Variants in CSMD3 observed in about 807,000 individuals in gnomAD.
CSMD3 encodes the protein CUB and sushi domain-containing protein 3.
CSMD3 carries 177 observed loss-of-function variants against 435.2 expected under a neutral mutation model. The ratio of observed to expected loss-of-function variants is 0.41; its 90% CI spans 0.36 to 0.46. CSMD3 has a LOEUF of 0.46. Among genes scored for constraint, CSMD3 ranks in the 20% least tolerant of loss-of-function variants. CSMD3 has a pLI of 0.34. For synonymous variants in CSMD3, 1,656 were observed against 1,520.5 expected (o/e 1.09, Z -2.07); for missense variants, 4,265 against 4,504.6 (o/e 0.95, Z 1.52).
At chr8:113,157,428 T>A (rs2091955783) in intron 4 of CSMD3, among the ~76,000 whole-genome samples, 1 of 133,266 alleles carries the variant, frequency 7.5e-6, no homozygotes, top group Admixed American at 7.2e-5. Flanking sequence ...CAAAATCTCA[T>A]AACAGTCTCC....
chr8:113,153,325 G>A (rs1476881301), intron 4 of CSMD3, among the ~76,000 whole-genome samples: 1 of 151,844 alleles, frequency 6.6e-6, no homozygotes. Context: ...CACTTTCTTT[G>A]GTTGGAATCT....
intron 3 of CSMD3, among the ~76,000 whole-genome samples, chr8:113,222,510 A>T (rs2092979978): frequency 6.6e-6 from 1 of 151,028 alleles, no homozygotes. Context: ...TAAAAACGTA[A>T]CACATTTTCA....
rs1457560322 is a variant in CSMD3, at chr8:112,954,709, T to G, written c.1395A>C (p.Lys465Asn). 2 of 1,604,086 alleles carry G rather than the reference T, an allele frequency of 1.2e-6. No homozygotes were observed. The highest frequency in any genetic ancestry group is 1.7e-6 in the Non-Finnish European group (2 of 1,172,044). Reference sequence around the variant, plus strand: ...AGATAGAAAACTTGTTGCTGTTGTCTTTCCCTGGAAACAATTTAAATCCTC... The same window carrying G: ...AGATAGAAAACTTGTTGCTGTTGTCGTTCCCTGGAAACAATTTAAATCCTC... ...KSRGFKLFPG[K>N]DNSNKFSILN... Residue 465 changes from lysine to asparagine, a missense_variant, in exon 8 of 71, where the codon AAA becomes AAC. Coordinates refer to ENST00000297405, the MANE Select transcript of CSMD3 (RefSeq NM_198123.2).
intron 58 of CSMD3, among the ~76,000 whole-genome samples, chr8:112,285,563 A>G (rs1444148595): frequency 3.9e-5 from 6 of 152,140 alleles, no homozygotes; most frequent in African/African-American, 1.4e-4. Flanking sequence ...TACAAAACCA[A>G]TATGTTTGGT....
intron 39 of CSMD3, among the ~76,000 whole-genome samples, chr8:112,352,143 TTAATC>T (rs1172547345): frequency 3.3e-5 from 5 of 152,234 alleles, no homozygotes; most frequent in South Asian, 2.1e-4. Context: ...TTAAAAGACT[TTAATC>T]TAATTAATTA....
chr8:113,019,277 T>G, intron 5 of CSMD3, 98 bp from the exon 6 acceptor site: 1 of 786,296 alleles, frequency 1.3e-6, no homozygotes, highest in South Asian at 1.4e-5. Flanking sequence ...ACTATATTCA[T>G]GACTTTGCAC....
At chr8:112,307,446 T>G (rs1262102450) in intron 50 of CSMD3, among the ~76,000 whole-genome samples, 1 of 152,072 alleles carries the variant, frequency 6.6e-6, no homozygotes, top group African/African-American at 2.4e-5. Flanking sequence ...CAGGTCCGGC[T>G]AATATTTGTA....
chr8:113,392,517 T>C (rs184327314), intron 1 of CSMD3, among the ~76,000 whole-genome samples: 171 of 152,222 alleles, frequency 1.1e-3, no homozygotes, highest in African/African-American at 3.9e-3. Context: ...CTTCACTTTA[T>C]AGATGGGGAA....
At chr8:112,694,949 G>A (rs566308073) in intron 13 of CSMD3, among the ~76,000 whole-genome samples, 7 of 151,990 alleles carry the variant, frequency 4.6e-5, no homozygotes, top group Non-Finnish European at 4.4e-5. Flanking sequence ...GAGGCTTGTC[G>A]GACAGTGTGT....
chr8:113,067,196 A>G (rs934086971), intron 5 of CSMD3, among the ~76,000 whole-genome samples: 1 of 152,160 alleles, frequency 6.6e-6, no homozygotes, highest in African/African-American at 2.4e-5. Context: ...ACTAAGATCC[A>G]GACTTCCTCT....
intron 1 of CSMD3, among the ~76,000 whole-genome samples, chr8:113,376,466 C>G (rs950409905): frequency 6.6e-6 from 1 of 151,932 alleles, no homozygotes; most frequent in Non-Finnish European, 1.5e-5. Context: ...CATTCAAAAA[C>G]TGGGAGGTGA....
chr8:113,102,700 G>A (rs2090364900), intron 4 of CSMD3, among the ~76,000 whole-genome samples: 1 of 152,090 alleles, frequency 6.6e-6, no homozygotes, highest in African/African-American at 2.4e-5. Flanking sequence ...GGGTGTTCCT[G>A]CAGCTTCACT....
rs1437532906 is a variant in CSMD3, at chr8:112,287,244, C to T, written c.9151G>A (p.Asp3051Asn). The change falls in exon 58 of 71, where the codon GAT becomes AAT. Residue 3051 changes from aspartate (D) to asparagine (N), a missense_variant and splice_region_variant. Asp to Asn is a conservative substitution (Grantham distance 23, BLOSUM62 1). This residue lies in a region of CSMD3 where 3,255 missense variants were observed against 3,380.2 expected (regional missense o/e 0.96). Coordinates refer to ENST00000297405, the MANE Select transcript of CSMD3 (RefSeq NM_198123.2). ...WSGSQPHCSG[D>N]ATGTCGDPGT... ...GGATCGCCACATGTCCCAGTAGCAT[C>T]ACCTGCAATGCAGTACAGTTCAAGT... The T allele has an allele frequency of 1.2e-6, 2 of 1,613,516 alleles. No individual in the cohort carries two copies. The highest frequency in any genetic ancestry group is 4.5e-5 in the East Asian group (2 of 44,868).
intron 38 of CSMD3, among the ~76,000 whole-genome samples, chr8:112,370,083 A>AGAAGAAGAAGAAGAAGAAGAG (rs1828235008): frequency 9.1e-6 from 1 of 109,428 alleles, no homozygotes; most frequent in Non-Finnish European, 2.0e-5. Context: ...AAGAAGAAGA[A>AGAAGAAGAAGAAGAAGAAGAG]GTAGTAGTAG....
Position 112,314,457 on chromosome 8 carries a change from C to T in CSMD3, c.7521G>A (p.Lys2507=), listed in dbSNP as rs779632910. 6.2e-7 allele frequency: 1 copy of T among 1,611,542 alleles called. No individual in the cohort carries two copies. Among genetic ancestry groups the T allele is most frequent in the Non-Finnish European group, 8.5e-7 (1 of 1,177,876 alleles). ...TMFVEFFQTE[K]EFDVLQVYDG... is the part of the protein sequence containing the mutation. ...CATACACCTGAAGAACATCAAATTC[C>T]TTTTCTGTCTGGAAGAATTCTACAA... Residue 2507 remains lysine (K), a synonymous_variant, in exon 48 of 71, where the codon AAG becomes AAA. Transcript: ENST00000297405.
intron 30 of CSMD3, among the ~76,000 whole-genome samples, chr8:112,497,638 T>C (rs1472950814): frequency 6.6e-6 from 1 of 151,878 alleles, no homozygotes; most frequent in African/African-American, 2.4e-5. Flanking sequence ...CAAAGAAAAA[T>C]ATTTTTACTA....
At chr8:112,907,166 G>A (rs1029594756) in intron 10 of CSMD3, among the ~76,000 whole-genome samples, 1 of 151,476 alleles carries the variant, frequency 6.6e-6, no homozygotes, top group Non-Finnish European at 1.5e-5. Context: ...GTACTGCTGA[G>A]TTAGGGTTTA....
chr8:113,359,806 T>C (rs557816079), intron 1 of CSMD3, among the ~76,000 whole-genome samples: 1 of 152,360 alleles, frequency 6.6e-6, no homozygotes, highest in Admixed American at 6.5e-5. Context: ...TTGCTAGATG[T>C]AATCTGAATT....
At chr8:112,494,511 C>CT (rs1164996650) in intron 30 of CSMD3, among the ~76,000 whole-genome samples, 1 of 73,064 alleles carries the variant, frequency 1.4e-5, no homozygotes, top group African/African-American at 4.5e-5. Flanking sequence ...TTCTTTCTTT[C>CT]TTTCTTTCTT....
Sources: gnomAD v4.1 joint callset for allele counts (sites outside exome capture counted in the v4.1 genomes callset) on GRCh38, gnomAD v4.1.1 for gene constraint, gnomAD v4.1.1 regional missense constraint, MANE v1.5 for transcripts, NCBI Gene and HGNC (gene_info 2026-07-23, HGNC 2026-07-21) for gene names.